Variants in NMT2 observed in about 807,000 individuals in gnomAD.
The protein encoded by NMT2 is N-myristoyltransferase 2.
In NMT2, 35 loss-of-function variants were observed where a neutral mutation model predicts 65.4. That is an observed-to-expected ratio of 0.54 (90% CI 0.41 to 0.71). NMT2 has a LOEUF of 0.71. Among genes scored for constraint, NMT2 ranks in the 30% least tolerant of loss-of-function variants. The pLI, the probability that NMT2 is intolerant of heterozygous loss-of-function variation, is 0.00. For synonymous variants in NMT2, 226 were observed against 231.8 expected, an observed-to-expected ratio of 0.98 and a Z score of 0.23; for missense variants, 489 against 611.3, an observed-to-expected ratio of 0.80 and a Z score of 2.11.
intron 9 of NMT2, among the ~76,000 whole-genome samples, chr10:15,115,801 T>C (rs1845723817): frequency 6.6e-6 from 1 of 152,146 alleles, no homozygotes; most frequent in Non-Finnish European, 1.5e-5. Flanking sequence ...TAATATACAA[T>C]AAAGTATACT....
intron 1 of NMT2, among the ~76,000 whole-genome samples, chr10:15,162,371 C>T (rs1833229096): frequency 6.6e-6 from 1 of 151,654 alleles, no homozygotes; most frequent in Non-Finnish European, 1.5e-5. Context: ...ACCAAGAAAG[C>T]TTATAAACAA....
At chr10:15,157,472 C>A (rs547436144) in intron 1 of NMT2, among the ~76,000 whole-genome samples, 1 of 152,156 alleles carries the variant, frequency 6.6e-6, no homozygotes, top group African/African-American at 2.4e-5. Flanking sequence ...CATGTCACTT[C>A]TCACAGGAAC....
intron 6 of NMT2, among the ~76,000 whole-genome samples, chr10:15,131,854 T>C (rs1179557995): frequency 6.6e-6 from 1 of 152,146 alleles, no homozygotes; most frequent in East Asian, 1.9e-4. Context: ...TTATCTCTCC[T>C]AAAAAATTTT....
At chr10:15,135,820 G>C (rs2131556466) in intron 2 of NMT2, among the ~76,000 whole-genome samples, 1 of 152,104 alleles carries the variant, frequency 6.6e-6, no homozygotes, top group African/African-American at 2.4e-5. Context: ...GGAGCAACGA[G>C]GGGATGAAGG....
chr10:15,154,749 G>C (rs1588452919), intron 1 of NMT2: 1 of 615,598 alleles, frequency 1.6e-6, no homozygotes, highest in East Asian at 3.5e-5. Context: ...GTTCTTCTGA[G>C]CTACAAAAGG....
At chr10:15,116,168 A>C (rs555622658) in intron 9 of NMT2, among the ~76,000 whole-genome samples, 3 of 152,224 alleles carry the variant, frequency 2.0e-5, no homozygotes, top group Non-Finnish European at 4.4e-5. Context: ...AAGACAGTCC[A>C]TATCCCGAGT....
intron 10 of NMT2, chr10:15,111,795 T>TTTTTA (rs1282659531): frequency 2.6e-5 from 4 of 151,492 alleles, no homozygotes; most frequent in Non-Finnish European, 4.4e-5. Flanking sequence ...AGGTAAGAGA[T>TTTTTA]TTTTATTTTA....
intron 8 of NMT2, among the ~76,000 whole-genome samples, chr10:15,121,654 AC>A (rs1426177019): frequency 1.3e-5 from 2 of 152,200 alleles, no homozygotes; most frequent in African/African-American, 2.4e-5. Context: ...GGTGTGAGCC[AC>A]CACACTAGGC....
intron 9 of NMT2, among the ~76,000 whole-genome samples, chr10:15,118,775 G>A (rs1378258381): frequency 6.6e-6 from 1 of 152,168 alleles, no homozygotes; most frequent in African/African-American, 2.4e-5. Flanking sequence ...TTGTGAGGAT[G>A]CAAGGAAACA....
chr10:15,162,237 G>A (rs1334013292), intron 1 of NMT2, among the ~76,000 whole-genome samples: 1 of 137,986 alleles, frequency 7.2e-6, no homozygotes, highest in Non-Finnish European at 1.5e-5. Context: ...AGATGACAGA[G>A]TGAGACCTTG....
chr10:15,110,076 A>G lies in NMT2; in HGVS notation c.1339-237T>C, dbSNP rs190021337. On this transcript the variant is annotated intron_variant, in intron 10 of 11. Transcript: ENST00000378165. ...CACTTGAGGTCAGGAGTTCGAGACC[A>G]GCCTGACCAACATGGCGAAACCCCA... Among the ~76,000 whole-genome samples the G allele has an allele frequency of 5.2e-4, 79 of 152,250 alleles. 1 individual carries two copies. The highest frequency in any genetic ancestry group is 1.8e-3 in the African/African-American group (74 of 41,542).
intron 10 of NMT2, 79 bp downstream of exon 10, chr10:15,112,717 A>T: frequency 6.6e-6 from 9 of 1,359,894 alleles, no homozygotes; most frequent in Non-Finnish European, 9.8e-7. Flanking sequence ...GTGTGGAAGA[A>T]AACACAGTAA....
At chr10:15,127,589 A>AC in intron 8 of NMT2, among the ~76,000 whole-genome samples, 1 of 142,034 alleles carries the variant, frequency 7.0e-6, no homozygotes, top group African/African-American at 2.7e-5. Flanking sequence ...TAAATAAATA[A>AC]ATAAATAAAA....
chr10:15,145,176 T>C (rs1362344607), intron 1 of NMT2, among the ~76,000 whole-genome samples: 2 of 152,178 alleles, frequency 1.3e-5, no homozygotes, highest in African/African-American at 4.8e-5. Context: ...TATAATTCCA[T>C]GTCTATAAAA....
Position 15,133,161 on chromosome 10 carries a change from G to A in NMT2, c.511-17C>T, listed in dbSNP as rs1053838677. 1.5e-5 allele frequency: 24 copies of A among 1,606,016 alleles called. No homozygotes were observed. Among genetic ancestry groups the A allele is most frequent in the Non-Finnish European group, 2.0e-5 (24 of 1,172,578 alleles). On this transcript the variant is annotated splice_polypyrimidine_tract_variant and intron_variant, in intron 4 of 11. Coordinates refer to ENST00000378165, the MANE Select transcript of NMT2 (RefSeq NM_004808.3). ...CTCCTTGAGCTATAAGATAAAACAA[G>A]TGTCCTATCCATGGTGCTCAGAATC...
rs375849250 is a variant in NMT2 at position 15,108,614 on chromosome 10, T to C, written c.*581A>G. 2.4e-5 allele frequency: 24 copies of C among 986,156 alleles called. No homozygotes were observed. The African/African-American group carries it at 3.7e-4, about 15-fold the overall frequency. 61.1% of individuals were successfully genotyped at this position (986,156 alleles called of 1,614,324 possible). On this transcript the variant is annotated 3_prime_UTR_variant, in exon 12 of 12. Transcript: ENST00000378165. ...TTCGGCAACTCTGCTTATGGAGAAA[T>C]ACATGTACTAGTCACCAGTACATTT...
chr10:15,113,525 A>G (rs1052623067), intron 9 of NMT2, among the ~76,000 whole-genome samples: 1 of 151,750 alleles, frequency 6.6e-6, no homozygotes, highest in African/African-American at 2.4e-5. Context: ...CTAAAAGGAA[A>G]GCTTCCCTCA....
chr10:15,135,009 T>C (rs1846425265), intron 3 of NMT2, among the ~76,000 whole-genome samples: 1 of 152,012 alleles, frequency 6.6e-6, no homozygotes, highest in Non-Finnish European at 1.5e-5. Context: ...ATACTAGTAA[T>C]GTTTCAAGTG....
intron 6 of NMT2, among the ~76,000 whole-genome samples, chr10:15,130,965 T>A (rs2131541700): frequency 6.6e-6 from 1 of 152,030 alleles, no homozygotes; most frequent in East Asian, 1.9e-4. Context: ...CATTTTTGTA[T>A]TTTTAGTAAA....
Sources: gnomAD v4.1 joint callset for allele counts (sites outside exome capture counted in the v4.1 genomes callset) on GRCh38, gnomAD v4.1.1 for gene constraint, MANE v1.5 for transcripts, NCBI Gene and HGNC (gene_info 2026-07-23, HGNC 2026-07-21) for gene names.